The following TWSG1 variants were observed in gnomAD, a reference collection of about 807,000 sequenced individuals.
The protein encoded by TWSG1 is twisted gastrulation protein homolog 1.
A neutral mutation model predicts 23.0 loss-of-function variants in TWSG1; 15 were observed. That is an observed-to-expected ratio of 0.65 (90% CI 0.44 to 1.00). The LOEUF (loss-of-function observed/expected upper bound fraction) is 1.00, where lower values mean the gene tolerates loss of function less well. Among genes scored for constraint, TWSG1 ranks in the 50% least tolerant of loss-of-function variants. TWSG1 has a pLI of 0.00. For missense variants in TWSG1, 242 were observed against 278.7 expected, an observed-to-expected ratio of 0.87 and a Z score of 0.94; for synonymous variants, 86 against 92.8, an observed-to-expected ratio of 0.93 and a Z score of 0.42.
At chr18:9,358,407 C>T (rs1373017446) in intron 2 of TWSG1, among the ~76,000 whole-genome samples, 3 of 152,130 alleles carry the variant, frequency 2.0e-5, no homozygotes, top group Admixed American at 2.0e-4. Flanking sequence ...GTCTGTTTTT[C>T]ACCTGTGTTC....
At chr18:9,375,907 C>T (rs1394938378) in intron 3 of TWSG1, among the ~76,000 whole-genome samples, 1 of 151,294 alleles carries the variant, frequency 6.6e-6, no homozygotes, top group African/African-American at 2.4e-5. Context: ...TTCTTCCCAC[C>T]TTCATCTATA....
At chr18:9,382,083 CT>C (rs11369376) in intron 3 of TWSG1, among the ~76,000 whole-genome samples, 212 of 145,460 alleles carry the variant, frequency 1.5e-3, no homozygotes, top group Middle Eastern at 7.1e-3. Context: ...TATTTTTAGT[CT>C]TTTTTTTTTT....
intron 3 of TWSG1, among the ~76,000 whole-genome samples, chr18:9,361,493 G>A (rs2040552215): frequency 1.3e-5 from 2 of 152,164 alleles, no homozygotes; most frequent in South Asian, 2.1e-4. Context: ...TTTGCCTCAC[G>A]AAAAGGTGGT....
intron 3 of TWSG1, among the ~76,000 whole-genome samples, chr18:9,375,662 A>G (rs994101023): frequency 1.3e-5 from 2 of 152,238 alleles, no homozygotes; most frequent in Admixed American, 1.3e-4. Context: ...TAAGGTTAAT[A>G]TATAAAAAGC....
chr18:9,354,206 A>G (rs1415564258), intron 2 of TWSG1, among the ~76,000 whole-genome samples: 1 of 152,246 alleles, frequency 6.6e-6, no homozygotes, highest in African/African-American at 2.4e-5. Flanking sequence ...TATAAATTTC[A>G]TGACTTCACT....
At chr18:9,338,922 G>A (rs2040433911) in intron 2 of TWSG1, among the ~76,000 whole-genome samples, 1 of 152,208 alleles carries the variant, frequency 6.6e-6, no homozygotes, top group African/African-American at 2.4e-5. Flanking sequence ...CTTTGGCCAT[G>A]CACAGTGGCT....
At chr18:9,390,667 T>A (rs1170324888) in intron 3 of TWSG1, among the ~76,000 whole-genome samples, 2 of 152,178 alleles carry the variant, frequency 1.3e-5, no homozygotes, top group East Asian at 3.9e-4. Flanking sequence ...ATGAAATAGC[T>A]CTCTGTTACA....
At chr18:9,377,727 G>T (rs1280635145) in intron 3 of TWSG1, among the ~76,000 whole-genome samples, 1 of 151,738 alleles carries the variant, frequency 6.6e-6, no homozygotes, top group African/African-American at 2.4e-5. Context: ...TAATTTTTGG[G>T]GTTTTGTTTG....
chr18:9,377,364 A>T (rs143596155), intron 3 of TWSG1, among the ~76,000 whole-genome samples: 1,599 of 152,008 alleles, frequency 0.011, 31 homozygotes, highest in African/African-American at 0.037. Context: ...GATTACAGGC[A>T]TGAGCCACCA....
intron 2 of TWSG1, among the ~76,000 whole-genome samples, chr18:9,356,065 T>G (rs1241423518): frequency 6.6e-6 from 1 of 152,218 alleles, no homozygotes; most frequent in Admixed American, 6.5e-5. Context: ...AATAGTAGTT[T>G]TTACCATTAA....
intron 3 of TWSG1, among the ~76,000 whole-genome samples, chr18:9,361,946 G>A (rs2040554634): frequency 6.6e-6 from 1 of 152,176 alleles, no homozygotes; most frequent in Admixed American, 6.5e-5. Flanking sequence ...TGGCCTGTGT[G>A]AAGACTGCTC....
At chr18:9,363,621 A>ATTTTAT (rs1568034695) in intron 3 of TWSG1, among the ~76,000 whole-genome samples, 3 of 151,946 alleles carry the variant, frequency 2.0e-5, no homozygotes, top group South Asian at 4.1e-4. Flanking sequence ...GCACATCTTT[A>ATTTTAT]TTTTATTTTT....
intron 3 of TWSG1, among the ~76,000 whole-genome samples, chr18:9,384,228 TTA>T (rs1555652513): frequency 1.3e-5 from 2 of 152,154 alleles, no homozygotes; most frequent in African/African-American, 4.8e-5. Flanking sequence ...AGGCTTCTGT[TTA>T]TGTGACTGGA....
chr18:9,397,820 A>G (rs1217647111), intron 4 of TWSG1, among the ~76,000 whole-genome samples: 3 of 152,164 alleles, frequency 2.0e-5, no homozygotes, highest in African/African-American at 7.2e-5. Context: ...AGCCTGACCA[A>G]CATGAGAGAC....
rs962009692 is a variant in TWSG1 at position 9,380,155 on chromosome 18, CTT to C, written c.224-16124_224-16123del. On this transcript the variant is annotated intron_variant, in intron 3 of 4. Transcript: ENST00000262120. ...GTCAGTCATGGAATATTTTGTGAAA[CTT>C]AATAATAGCTAATGCTTTTATAGCA... Among the ~76,000 whole-genome samples, 12 of 152,096 alleles carry C rather than the reference CTT, an allele frequency of 7.9e-5. 1 individual carries two copies. The highest frequency in any genetic ancestry group is 4.6e-4 in the Admixed American group (7 of 15,262).
intron 3 of TWSG1, among the ~76,000 whole-genome samples, chr18:9,375,166 CAAAA>C (rs34522798): frequency 1.1e-5 from 1 of 89,774 alleles, no homozygotes; most frequent in African/African-American, 4.3e-5. Flanking sequence ...TACTCCGTCT[CAAAA>C]AAAAAAAAAA....
chr18:9,354,236 C>T (rs929969402), intron 2 of TWSG1, among the ~76,000 whole-genome samples: 11 of 152,072 alleles, frequency 7.2e-5, no homozygotes, highest in Admixed American at 5.9e-4. Flanking sequence ...AGGATAATAA[C>T]GACATGAATC....
intron 3 of TWSG1, among the ~76,000 whole-genome samples, chr18:9,388,704 T>C (rs2040697086): frequency 6.6e-6 from 1 of 152,234 alleles, no homozygotes. Context: ...AAATATCTGA[T>C]AATGAGCTTT....
chr18:9,354,491 A>G (rs2040515962), intron 2 of TWSG1, among the ~76,000 whole-genome samples: 1 of 152,242 alleles, frequency 6.6e-6, no homozygotes, highest in Non-Finnish European at 1.5e-5. Context: ...CAGTCCAAAG[A>G]GAAGATTCTA....
Sources: allele counts gnomAD v4.1 joint callset (sites outside exome capture counted in the v4.1 genomes callset), GRCh38; gene constraint gnomAD v4.1.1; transcripts MANE v1.5; gene names NCBI Gene and HGNC (gene_info 2026-07-23, HGNC 2026-07-21).